Variants in DIP2C observed in about 807,000 individuals in gnomAD.
The protein encoded by DIP2C is disco-interacting protein 2 homolog C.
A neutral mutation model predicts 192.4 loss-of-function variants in DIP2C; 33 were observed. The ratio of observed to expected loss-of-function variants is 0.17; its 90% CI spans 0.13 to 0.23. DIP2C has a LOEUF of 0.23. Ranked by LOEUF, DIP2C falls within the 10% of genes least tolerant of loss-of-function variation. DIP2C has a pLI of 1.00. For missense variants in DIP2C, 1,537 were observed against 2,110.1 expected, an observed-to-expected ratio of 0.73 and a Z score of 5.32; for synonymous variants, 979 against 864.1, an observed-to-expected ratio of 1.13 and a Z score of -2.33.
intron 13 of DIP2C, among the ~76,000 whole-genome samples, chr10:389,775 G>A (rs966635783): frequency 6.6e-5 from 10 of 152,384 alleles, no homozygotes; most frequent in East Asian, 3.9e-4. Context: ...CCTCCGCGCT[G>A]TGCGGACATA....
chr10:445,329 T>G (rs1209506262), intron 3 of DIP2C, among the ~76,000 whole-genome samples: 3 of 151,554 alleles, frequency 2.0e-5, no homozygotes, highest in African/African-American at 7.3e-5. Context: ...TTGTGAAGAG[T>G]CTGTCTTGCA....
chr10:470,100 T>G (rs1045419638), intron 3 of DIP2C, among the ~76,000 whole-genome samples: 3 of 152,072 alleles, frequency 2.0e-5, no homozygotes, highest in African/African-American at 4.8e-5. Flanking sequence ...GATAGGTAAG[T>G]AGATGATTGG....
intron 1 of DIP2C, among the ~76,000 whole-genome samples, chr10:510,225 T>C (rs1349741049): frequency 6.6e-6 from 1 of 152,208 alleles, no homozygotes; most frequent in East Asian, 1.9e-4. Flanking sequence ...TGTGGGGCAG[T>C]TGTTAGCCCC....
At position 389,857 on chromosome 10, in the gene DIP2C, A is replaced by G. The variant is rs940277604; in HGVS notation, c.1597+134T>C. 1.4e-5 allele frequency: 10 copies of G among 729,332 alleles called. No individual in the cohort carries two copies. In the African/African-American group the frequency reaches 1.6e-4, roughly 12 times the overall value. The allele number at this position is 729,332 out of a possible 1,614,324, so 45.2% of individuals were successfully genotyped here. A position where few individuals can be genotyped will look rare whatever the true frequency, so the allele number is the denominator to read the frequency against. On this transcript the variant is annotated intron_variant, in intron 13 of 36. Transcript: ENST00000280886. ...GGCTGAGCTGATATCCTAACTCAACAATAAGTTCATGTCAGCGGAGCTGGG... is the reference window on the plus strand; with the variant it reads ...GGCTGAGCTGATATCCTAACTCAACGATAAGTTCATGTCAGCGGAGCTGGG...
intron 1 of DIP2C, among the ~76,000 whole-genome samples, chr10:576,723 C>T (rs1850184998): frequency 6.6e-6 from 1 of 152,142 alleles, no homozygotes; most frequent in Non-Finnish European, 1.5e-5. Context: ...GCCTGGCCAA[C>T]ATGGCAAAAC....
intron 17 of DIP2C, among the ~76,000 whole-genome samples, chr10:378,322 C>A (rs1281648735): frequency 6.6e-6 from 1 of 152,358 alleles, no homozygotes; most frequent in Non-Finnish European, 1.5e-5. Flanking sequence ...GGCTGACACA[C>A]ATGAACACGA....
chr10:663,613 A>C (rs1226045974), intron 1 of DIP2C: 1 of 152,256 alleles, frequency 6.6e-6, no homozygotes, highest in Non-Finnish European at 1.5e-5. Flanking sequence ...TCTGAGAAAT[A>C]AAGTTGTACG....
chr10:280,572 T>C (rs1376877996), intron 36 of DIP2C, among the ~76,000 whole-genome samples: 2 of 152,232 alleles, frequency 1.3e-5, no homozygotes, highest in African/African-American at 4.8e-5. Flanking sequence ...AAGAACCTAC[T>C]GCTGAATCTC....
intron 31 of DIP2C, among the ~76,000 whole-genome samples, chr10:317,623 A>G (rs927917559): frequency 5.5e-4 from 84 of 152,208 alleles, no homozygotes; most frequent in Non-Finnish European, 8.1e-4. Context: ...TGACTGCGAT[A>G]GAGAATCCCT....
At chr10:686,090 C>CA (rs1831325544) in intron 1 of DIP2C, among the ~76,000 whole-genome samples, 1 of 151,814 alleles carries the variant, frequency 6.6e-6, no homozygotes, top group South Asian at 2.1e-4. Flanking sequence ...TTTAAAGCCA[C>CA]AAAAAAGAAT....
At chr10:523,244 G>A (rs1564816798) in intron 1 of DIP2C, among the ~76,000 whole-genome samples, 1 of 147,348 alleles carries the variant, frequency 6.8e-6, no homozygotes, top group South Asian at 2.2e-4. Context: ...CAGGGACTGT[G>A]TATGACCCAC....
At chr10:640,720 CGCGGGGAAGAGGGTGG>C (rs1207956708) in intron 1 of DIP2C, among the ~76,000 whole-genome samples, 1 of 2,096 alleles carries the variant, frequency 4.8e-4, no homozygotes, top group Non-Finnish European at 2.5e-3. Flanking sequence ...AGAGGCTGCG[CGCGGGGAAGAGGGTGG>C]GCGCCGGGAA....
rs1395785918 is a variant in DIP2C, at chr10:524,973, A to AG, written c.86-38444_86-38443insC. 2.0e-5 allele frequency among the ~76,000 whole-genome samples: 3 copies of AG among 151,302 alleles called. No homozygotes were observed. In the East Asian group the frequency reaches 5.8e-4, roughly 29 times the overall value. On this transcript the variant is annotated intron_variant, in intron 1 of 36. Coordinates refer to ENST00000280886, the MANE Select transcript of DIP2C (RefSeq NM_014974.3). ...TTTAAGACAATCACAATTTCAAAAA[A>AG]AAAAAAAAAAGAATCACATTTTCAA...
Position 277,085 on chromosome 10 carries a change from C to A in DIP2C, c.*240G>T. On this transcript the variant is annotated 3_prime_UTR_variant, in exon 37 of 37. Coordinates refer to ENST00000280886, the MANE Select transcript of DIP2C (RefSeq NM_014974.3). ...AAGAAAGTTTTGAAATGGGCTTTTC[C>A]AACAAACTGAAGGCAGTAATCCAAA... 4.5e-6 allele frequency: 2 copies of A among 449,042 alleles called. No individual in the cohort carries two copies. The highest frequency in any genetic ancestry group is 3.8e-6 in the Non-Finnish European group (1 of 262,350). 27.8% of individuals were successfully genotyped at this position (449,042 alleles called of 1,614,324 possible). A position where few individuals can be genotyped will look rare whatever the true frequency, so the allele number is the denominator to read the frequency against.
At chr10:616,307 T>A (rs371410413) in intron 1 of DIP2C, among the ~76,000 whole-genome samples, 1 of 152,254 alleles carries the variant, frequency 6.6e-6, no homozygotes, top group Non-Finnish European at 1.5e-5. Flanking sequence ...CAAGCATGAA[T>A]GAAAACTTTA....
At chr10:452,011 A>G (rs1968889539) in intron 3 of DIP2C, among the ~76,000 whole-genome samples, 1 of 152,156 alleles carries the variant, frequency 6.6e-6, no homozygotes, top group African/African-American at 2.4e-5. Context: ...CAAGGAGACC[A>G]GCACACCCAG....
At chr10:342,240 A>T (rs536549545) in intron 28 of DIP2C, among the ~76,000 whole-genome samples, 1 of 151,622 alleles carries the variant, frequency 6.6e-6, no homozygotes, top group Non-Finnish European at 1.5e-5. Flanking sequence ...CTCACTGCAA[A>T]CTCCGCCTCC....
At chr10:519,835 C>A (rs550447346) in intron 1 of DIP2C, among the ~76,000 whole-genome samples, 22 of 152,348 alleles carry the variant, frequency 1.4e-4, no homozygotes, top group East Asian at 1.2e-3. Flanking sequence ...AGGCCTCCCC[C>A]CTGCTCCTCT....
intron 31 of DIP2C, among the ~76,000 whole-genome samples, chr10:320,948 G>A (rs913640918): frequency 1.3e-5 from 2 of 152,198 alleles, no homozygotes; most frequent in East Asian, 1.9e-4. Context: ...CCATGGAGGG[G>A]ACCCGGGCGG....
Sources: gnomAD v4.1 joint callset for allele counts (sites outside exome capture counted in the v4.1 genomes callset) on GRCh38, gnomAD v4.1.1 for gene constraint, MANE v1.5 for transcripts, NCBI Gene and HGNC (gene_info 2026-07-23, HGNC 2026-07-21) for gene names.